Variants in KIF26B observed in about 807,000 individuals in gnomAD.
KIF26B encodes the protein kinesin family member 26B.
KIF26B carries 63 observed loss-of-function variants against 151.2 expected under a neutral mutation model. That is an observed-to-expected ratio of 0.42 (90% CI 0.34 to 0.51). KIF26B has a LOEUF of 0.51. Ranked by LOEUF, KIF26B falls within the 20% of genes least tolerant of loss-of-function variation. KIF26B has a pLI of 0.07. For missense variants in KIF26B, 2,813 were observed against 2,913.6 expected (o/e 0.97, Z 0.79); for synonymous variants, 1,357 against 1,262.1 (o/e 1.08, Z -1.59).
At chr1:245,611,699 C>CACAGCCAGCTGAATGGTGCTGGGG in intron 8 of KIF26B, 94 bp from the exon 9 acceptor site, 2 of 1,357,128 alleles carry the variant, frequency 1.5e-6, no homozygotes, top group Non-Finnish European at 2.0e-6. Flanking sequence ...ATACAGAACA[C>CACAGCCAGCTGAATGGTGCTGGGG]ACAGCCAGCT....
chr1:245,604,038 T>C (rs1343978446), intron 6 of KIF26B, among the ~76,000 whole-genome samples: 1 of 152,122 alleles, frequency 6.6e-6, no homozygotes, highest in Non-Finnish European at 1.5e-5. Context: ...TTGGTGAAGA[T>C]GGGCCTCTAA....
At position 245,564,794 on chromosome 1, in the gene KIF26B, G is replaced by A. The variant is rs2042993125; in HGVS notation, c.1350+23844G>A. Among the ~76,000 whole-genome samples, 2 of 152,328 alleles carry A rather than the reference G, an allele frequency of 1.3e-5. No individual in the cohort carries two copies. Among genetic ancestry groups the A allele is most frequent in the Admixed American group, 1.3e-4 (2 of 15,306 alleles). ...GGATGATGATTTCAGGAAGATTCCA[G>A]TGCATTCCATTTATCATTAGATTCT... On this transcript the variant is annotated intron_variant, in intron 5 of 14. Coordinates refer to ENST00000407071, the MANE Select transcript of KIF26B (RefSeq NM_018012.4). The surrounding 1 kb of genome is among the most constrained non-coding windows in gnomAD (Gnocchi z 4.6).
chr1:245,665,957 A>AT (rs1265944952), intron 10 of KIF26B, among the ~76,000 whole-genome samples: 1 of 147,470 alleles, frequency 6.8e-6, no homozygotes, highest in Non-Finnish European at 1.5e-5. Context: ...AAGTCCTGGC[A>AT]TTACAGGCAT....
chr1:245,185,044 A>G (rs765051537), intron 2 of KIF26B, among the ~76,000 whole-genome samples: 1 of 152,116 alleles, frequency 6.6e-6, no homozygotes, highest in Admixed American at 6.5e-5. Context: ...TCAGAGCCAA[A>G]TTTTTTATTG....
rs900623066 is a variant in KIF26B, at chr1:245,394,152, C to T, written c.1000-25427C>T. Among the ~76,000 whole-genome samples the T allele has an allele frequency of 3.9e-5, 6 of 152,322 alleles. No individual in the cohort carries two copies. In the South Asian group the frequency reaches 6.2e-4, roughly 16 times the overall value. ...GCTAAGTCAGTTACTGCTCACCTGT[C>T]TTGGCTCCAGCTGTTAAAATCCTGT... On this transcript the variant is annotated intron_variant, in intron 3 of 14. Transcript: ENST00000407071.
chr1:245,630,337 G>A (rs750920109), intron 9 of KIF26B, among the ~76,000 whole-genome samples: 1 of 152,134 alleles, frequency 6.6e-6, no homozygotes, highest in Non-Finnish European at 1.5e-5. Flanking sequence ...CAACCCAAAT[G>A]TCCATCAATG....
chr1:245,693,689 C>T (rs769290387), intron 12 of KIF26B, among the ~76,000 whole-genome samples: 13 of 152,148 alleles, frequency 8.5e-5, no homozygotes, highest in South Asian at 2.1e-4. Context: ...GTTCCCAGGG[C>T]GCTGCACAAA....
rs1277391456 is a variant in KIF26B, at chr1:245,166,108, C to G, written c.465+9425C>G. Among the ~76,000 whole-genome samples, 1 of 152,210 alleles carries G rather than the reference C, an allele frequency of 6.6e-6. No individual in the cohort carries two copies. Among genetic ancestry groups the G allele is most frequent in the African/African-American group, 2.4e-5 (1 of 41,442 alleles). Reference sequence around the variant, plus strand: ...TTTCTAAACGTGGTTATTCTCATCTCTACAGTGGGAGTCATGACAGAGCCC... The same window carrying G: ...TTTCTAAACGTGGTTATTCTCATCTGTACAGTGGGAGTCATGACAGAGCCC... On this transcript the variant is annotated intron_variant, in intron 2 of 14. Transcript: ENST00000407071. The surrounding 1 kb of genome is among the most constrained non-coding windows in gnomAD (Gnocchi z 4.5).
chr1:245,413,118 T>G (rs957091393), intron 3 of KIF26B, among the ~76,000 whole-genome samples: 1 of 152,198 alleles, frequency 6.6e-6, no homozygotes, highest in South Asian at 2.1e-4. Context: ...TGGTGAAAAT[T>G]TAGTTCCCCT....
At chr1:245,217,047 G>T (rs12404524) in intron 2 of KIF26B, among the ~76,000 whole-genome samples, 7 of 152,150 alleles carry the variant, frequency 4.6e-5, no homozygotes, top group Admixed American at 2.0e-4. Flanking sequence ...CCCGCCCACA[G>T]GGAAGGATAT....
intron 2 of KIF26B, among the ~76,000 whole-genome samples, chr1:245,276,957 A>T (rs1670948745): frequency 6.6e-6 from 1 of 152,154 alleles, no homozygotes; most frequent in Admixed American, 6.5e-5. Flanking sequence ...ACCTGATTTC[A>T]ATGATAAGTG....
intron 2 of KIF26B, among the ~76,000 whole-genome samples, chr1:245,307,974 G>A (rs1671590973): frequency 6.6e-6 from 1 of 152,076 alleles, no homozygotes; most frequent in African/African-American, 2.4e-5. Context: ...ATCTTTAACT[G>A]GTTAATCTTT....
chr1:245,208,592 T>A (rs977348284), intron 2 of KIF26B, among the ~76,000 whole-genome samples: 3 of 152,176 alleles, frequency 2.0e-5, no homozygotes, highest in African/African-American at 7.2e-5. Flanking sequence ...GGTGGAGGCC[T>A]GGGGAGGCAA....
rs559208361 is a variant in KIF26B, at chr1:245,432,133, C to T, written c.1166+12388C>T. ...CCCACCTGTGCACCCCTCCCTCTCGCGTGGTACCTGCTACATTAGGAATAT... is the reference window on the plus strand; with the variant it reads ...CCCACCTGTGCACCCCTCCCTCTCGTGTGGTACCTGCTACATTAGGAATAT... On this transcript the variant is annotated intron_variant, in intron 4 of 14. Transcript: ENST00000407071. 1.5e-3 allele frequency among the ~76,000 whole-genome samples: 222 copies of T among 152,160 alleles called. 1 individual carries two copies. The highest frequency in any genetic ancestry group is 6.8e-3 in the Middle Eastern group (2 of 294).
In KIF26B at chr1:245,352,836, C is replaced by CGTGT. The variant is rs112283221; in HGVS notation, c.466-13980_466-13977dup. 9.7e-4 allele frequency among the ~76,000 whole-genome samples: 144 copies of CGTGT among 148,816 alleles called. No homozygotes were observed. The highest frequency in any genetic ancestry group is 2.4e-3 in the African/African-American group (98 of 40,750). On this transcript the variant is annotated intron_variant, in intron 2 of 14. Transcript: ENST00000407071. This position sits in a 1 kb window ranked among gnomAD's most constrained non-coding sequence, Gnocchi z 5.0. ...TGGTTTCTTCCTAAAGAGATGTACA[C>CGTGT]GTGTGTGTGTGTGTGTGTGTGGTGG... is the stretch of plus-strand genomic sequence containing the variant.
At chr1:245,545,161 G>A (rs1260805803) in intron 5 of KIF26B, among the ~76,000 whole-genome samples, 1 of 151,174 alleles carries the variant, frequency 6.6e-6, no homozygotes, top group Admixed American at 6.6e-5. Flanking sequence ...GAGTACAGTG[G>A]TACAATCTTG....
chr1:245,331,615 A>T (rs2102991598), intron 2 of KIF26B, among the ~76,000 whole-genome samples: 1 of 152,136 alleles, frequency 6.6e-6, no homozygotes, highest in East Asian at 1.9e-4. Context: ...CTGAGGAAGG[A>T]TTTATTTTCC....
chr1:245,384,811 T>C (rs1216199045), intron 3 of KIF26B, among the ~76,000 whole-genome samples: 1 of 152,204 alleles, frequency 6.6e-6, no homozygotes, highest in African/African-American at 2.4e-5. Flanking sequence ...GGAAATCTGG[T>C]TTTGTCTGAC....
At chr1:245,590,998 AT>A (rs1303999085) in intron 5 of KIF26B, among the ~76,000 whole-genome samples, 1 of 152,014 alleles carries the variant, frequency 6.6e-6, no homozygotes, top group Non-Finnish European at 1.5e-5. Context: ...TCAGAATCTA[AT>A]GATTAGGTCT....
Sources: gnomAD v4.1 joint callset for allele counts (sites outside exome capture counted in the v4.1 genomes callset) on GRCh38, gnomAD v4.1.1 for gene constraint, Gnocchi (gnomAD v3.1) non-coding constraint, MANE v1.5 for transcripts, NCBI Gene and HGNC (gene_info 2026-07-23, HGNC 2026-07-21) for gene names.